SMURF1: variants seen among roughly 807,000 people sequenced by gnomAD.
The protein encoded by SMURF1 is E3 ubiquitin-protein ligase SMURF1.
Under a neutral mutation model 98.0 loss-of-function variants are expected in SMURF1, and 44 were observed. That is an observed-to-expected ratio of 0.45 (90% CI 0.35 to 0.58). The LOEUF is 0.58. SMURF1 is among the 20% of genes least tolerant of loss of function. SMURF1 has a pLI of 0.00. For synonymous variants in SMURF1, 396 were observed against 374.9 expected (o/e 1.06, Z -0.65); for missense variants, 687 against 938.4 (o/e 0.73, Z 3.50).
chr7:99,086,360 G>C (rs1323457314), intron 1 of SMURF1, among the ~76,000 whole-genome samples: 1 of 143,244 alleles, frequency 7.0e-6, no homozygotes, highest in Non-Finnish European at 1.5e-5. Context: ...GAAAAAAAAA[G>C]AAAGAAAGAA....
intron 17 of SMURF1, among the ~76,000 whole-genome samples, chr7:99,032,422 A>G (rs963627494): frequency 2.6e-5 from 4 of 152,206 alleles, no homozygotes; most frequent in African/African-American, 7.2e-5. Context: ...TAATCTCAGC[A>G]CTTTGGGAGG....
chr7:99,060,366 G>A (rs1584468433), intron 3 of SMURF1, among the ~76,000 whole-genome samples: 1 of 131,490 alleles, frequency 7.6e-6, no homozygotes. Context: ...GTGACAGAGT[G>A]AGACTCCGTC....
Position 99,143,817 on chromosome 7 carries a change from C to A in SMURF1, c.-37G>T, listed in dbSNP as rs1798207027. The A allele has an allele frequency of 6.6e-7, 1 of 1,521,802 alleles. No homozygotes were observed. Among genetic ancestry groups the A allele is most frequent in the African/African-American group, 1.4e-5 (1 of 69,380 alleles). The allele number at this position is 1,521,802 out of a possible 1,614,324, so 94.3% of individuals were successfully genotyped here. ...GATCGGGCAGCCGCGGATCCAGCGC[C>A]ACCGCCCCCCAGCCCGGCCCGGCCC... On this transcript the variant is annotated 5_prime_UTR_variant, in exon 1 of 18. Transcript: ENST00000361368.
intron 7 of SMURF1, among the ~76,000 whole-genome samples, 154 bp from the exon 8 acceptor site, chr7:99,051,595 C>T (rs1795753765): frequency 1.3e-5 from 2 of 152,138 alleles, no homozygotes; most frequent in Admixed American, 1.3e-4. Context: ...GAATAATCCC[C>T]TCTTCTCCAT....
At chr7:99,060,224 C>CA (rs1446510780) in intron 3 of SMURF1, among the ~76,000 whole-genome samples, 2 of 151,660 alleles carry the variant, frequency 1.3e-5, no homozygotes, top group Non-Finnish European at 2.9e-5. Context: ...CTAAAAAATA[C>CA]AAAAATTAGC....
At chr7:99,055,915 A>G (rs219799) in intron 5 of SMURF1, among the ~76,000 whole-genome samples, 101,443 of 152,122 alleles carry the variant, frequency 0.67, 35,653 homozygotes, top group African/African-American at 0.91. Flanking sequence ...GCAGTGAGCT[A>G]AGATCATGCC....
intron 1 of SMURF1, among the ~76,000 whole-genome samples, chr7:99,105,122 GTACACA>G (rs1376476401): frequency 7.2e-5 from 11 of 152,322 alleles, no homozygotes; most frequent in Non-Finnish European, 1.2e-4. Context: ...ACACACAGGT[GTACACA>G]TGCACATGCA....
At position 99,137,291 on chromosome 7, in the gene SMURF1, C is replaced by A. The variant is rs372042256; in HGVS notation, c.55+6435G>T. On this transcript the variant is annotated intron_variant, in intron 1 of 17. Coordinates refer to ENST00000361368, the MANE Select transcript of SMURF1 (RefSeq NM_181349.3). ...ATATTTAATCCATCTCTAGCAGGTC[C>A]TTTTGTGCTCTAAAAAGACAGATCT... 3.7e-4 allele frequency among the ~76,000 whole-genome samples: 56 copies of A among 152,270 alleles called. No homozygotes were observed. The South Asian group carries it at 7.3e-3, about 20-fold the overall frequency.
At chr7:99,039,515 A>C (rs1267914005) in intron 13 of SMURF1, among the ~76,000 whole-genome samples, 1 of 151,890 alleles carries the variant, frequency 6.6e-6, no homozygotes, top group Non-Finnish European at 1.5e-5. Context: ...GCTTTTTAAA[A>C]TTTTTTTAAT....
rs1470350427 is a variant in SMURF1 at position 99,027,684 on chromosome 7, AT to A, written c.*2899del. ...TAGCAGCAATACTTCAAAACAAGACATTACAAAATAAATTAAAAAATACGTT... is the reference window on the plus strand; with the variant it reads ...TAGCAGCAATACTTCAAAACAAGACATACAAAATAAATTAAAAAATACGTT... On this transcript the variant is annotated 3_prime_UTR_variant, in exon 18 of 18. Coordinates refer to ENST00000361368, the MANE Select transcript of SMURF1 (RefSeq NM_181349.3). The A allele has an allele frequency of 6.5e-6, 1 of 152,688 alleles. No homozygotes were observed. The highest frequency in any genetic ancestry group is 1.5e-5 in the Non-Finnish European group (1 of 68,044). The allele number at this position is 152,688 out of a possible 1,614,324, so 9.5% of individuals were successfully genotyped here.
chr7:99,133,368 T>C (rs1226702177), intron 1 of SMURF1, among the ~76,000 whole-genome samples: 1 of 151,544 alleles, frequency 6.6e-6, no homozygotes, highest in African/African-American at 2.4e-5. Flanking sequence ...CCTGTGAATC[T>C]ATCATTACTT....
intron 2 of SMURF1, among the ~76,000 whole-genome samples, chr7:99,061,065 G>C (rs542876241): frequency 6.6e-6 from 1 of 152,260 alleles, no homozygotes; most frequent in African/African-American, 2.4e-5. Flanking sequence ...TATTCACCAG[G>C]CCTTAATTCG....
At chr7:99,139,478 A>AAT (rs1798064784) in intron 1 of SMURF1, among the ~76,000 whole-genome samples, 1 of 152,228 alleles carries the variant, frequency 6.6e-6, no homozygotes, top group Non-Finnish European at 1.5e-5. Flanking sequence ...GGTTGACATT[A>AAT]CAATAAAATT....
At chr7:99,038,621 C>T (rs1021135508) in intron 13 of SMURF1, 96 bp from the exon 14 acceptor site, 3 of 1,469,768 alleles carry the variant, frequency 2.0e-6, no homozygotes, top group Non-Finnish European at 2.8e-6. Flanking sequence ...AAACCCGGGG[C>T]TGCAAGACAG....
At chr7:99,104,102 G>A (rs980612901) in intron 1 of SMURF1, among the ~76,000 whole-genome samples, 1 of 152,086 alleles carries the variant, frequency 6.6e-6, no homozygotes, top group African/African-American at 2.4e-5. Context: ...GGCCAGGCTG[G>A]TCTAGAACTC....
intron 8 of SMURF1, 130 bp from the exon 9 acceptor site, chr7:99,049,839 T>G: frequency 1.2e-6 from 1 of 837,658 alleles, no homozygotes; most frequent in Non-Finnish European, 1.8e-6. Context: ...AGATGGACCT[T>G]CGTGGTGCTA....
chr7:99,089,304 AC>A lies in SMURF1; in HGVS notation c.56-27468del, dbSNP rs563879433. ...TGCATGCCTTAGCATGGATCTAAAC[AC>A]AAATTCAAATTGAATCCTTAAAATA... On this transcript the variant is annotated intron_variant, in intron 1 of 17. Coordinates refer to ENST00000361368, the MANE Select transcript of SMURF1 (RefSeq NM_181349.3). 1.2e-4 allele frequency among the ~76,000 whole-genome samples: 18 copies of A among 152,082 alleles called. No homozygotes were observed. The South Asian group carries it at 3.7e-3, about 32-fold the overall frequency.
At chr7:99,058,173 C>T (rs1227017463) in intron 3 of SMURF1, among the ~76,000 whole-genome samples, 1 of 151,676 alleles carries the variant, frequency 6.6e-6, no homozygotes, top group Non-Finnish European at 1.5e-5. Flanking sequence ...CTCTTGTCGC[C>T]CAGGCCGGAG....
At chr7:99,038,265 G>C in intron 14 of SMURF1, 123 bp downstream of exon 14, 1 of 1,204,616 alleles carries the variant, frequency 8.3e-7, no homozygotes. Flanking sequence ...CTGTTCATGT[G>C]ATCTGATCAT....
Sources: allele counts gnomAD v4.1 joint callset (sites outside exome capture counted in the v4.1 genomes callset), GRCh38; gene constraint gnomAD v4.1.1; transcripts MANE v1.5; gene names NCBI Gene and HGNC (gene_info 2026-07-23, HGNC 2026-07-21).